Variants in NRIP1 observed in about 807,000 individuals in gnomAD.
The protein encoded by NRIP1 is nuclear receptor interacting protein 1, also known as nuclear receptor-interacting protein 1.
A neutral mutation model predicts 75.0 loss-of-function variants in NRIP1; 28 were observed. The ratio of observed to expected loss-of-function variants is 0.37; its 90% CI spans 0.28 to 0.51. The LOEUF (loss-of-function observed/expected upper bound fraction) is 0.51. Among genes scored for constraint, NRIP1 ranks in the 20% least tolerant of loss-of-function variants. The pLI, the probability that NRIP1 is intolerant of heterozygous loss-of-function variation, is 0.92. For missense variants in NRIP1, 1,435 were observed against 1,343.7 expected (o/e 1.07, Z -1.06); for synonymous variants, 526 against 487.6 (o/e 1.08, Z -1.04).
rs1216445507 is a variant in NRIP1, at chr21:14,965,190, T to A, written c.3003A>T (p.Ser1001=). ...CAGGAGTTTTTACTACACCTGGGTATGAAAATGTCCTGTTATCCATGCAAC... is the reference window on the plus strand; with the variant it reads ...CAGGAGTTTTTACTACACCTGGGTAAGAAAATGTCCTGTTATCCATGCAAC... ...PSSCMDNRTF[S]YPGVVKTPVS... is the part of the protein sequence containing the mutation. Residue 1001 remains serine (S), a synonymous_variant, in exon 4 of 4, where the codon TCA becomes TCT. Coordinates refer to ENST00000318948, the MANE Select transcript of NRIP1 (RefSeq NM_003489.4). 1 of 1,613,586 alleles carries A rather than the reference T, an allele frequency of 6.2e-7. No homozygotes were observed. Among genetic ancestry groups the A allele is most frequent in the African/African-American group, 1.3e-5 (1 of 74,914 alleles).
intron 2 of NRIP1, among the ~76,000 whole-genome samples, chr21:15,042,553 G>C (rs1342995634): frequency 6.6e-6 from 1 of 152,200 alleles, no homozygotes; most frequent in Admixed American, 6.5e-5. Flanking sequence ...GGGGCCTTTG[G>C]TGAGTGATTA....
intron 2 of NRIP1, among the ~76,000 whole-genome samples, chr21:15,021,926 A>C (rs2088386331): frequency 6.6e-6 from 1 of 152,158 alleles, no homozygotes; most frequent in Non-Finnish European, 1.5e-5. Context: ...AAAAAAGAAT[A>C]CTTTACATTG....
At chr21:14,975,646 G>T (rs375644558) in intron 3 of NRIP1, among the ~76,000 whole-genome samples, 37 of 133,448 alleles carry the variant, frequency 2.8e-4, no homozygotes, top group African/African-American at 1.1e-3. Flanking sequence ...AAAAAAAAAG[G>T]AAGGAAGGAA....
At chr21:14,973,848 T>C (rs2146971366) in intron 3 of NRIP1, among the ~76,000 whole-genome samples, 1 of 149,800 alleles carries the variant, frequency 6.7e-6, no homozygotes, top group Admixed American at 6.7e-5. Context: ...AGCTGATTTT[T>C]TTTTTTTTTT....
chr21:15,002,771 T>G (rs2087878023), intron 3 of NRIP1, among the ~76,000 whole-genome samples: 1 of 152,232 alleles, frequency 6.6e-6, no homozygotes, highest in African/African-American at 2.4e-5. Context: ...ATTTCAGGTA[T>G]TAACATAGGG....
intron 3 of NRIP1, among the ~76,000 whole-genome samples, chr21:14,986,593 G>A (rs1375234067): frequency 6.6e-6 from 1 of 152,172 alleles, no homozygotes; most frequent in Non-Finnish European, 1.5e-5. Context: ...ACTTTGCTGT[G>A]AATGGGTAAG....
intron 3 of NRIP1, among the ~76,000 whole-genome samples, chr21:15,007,913 C>A (rs933955322): frequency 6.6e-6 from 1 of 152,218 alleles, no homozygotes; most frequent in African/African-American, 2.4e-5. Context: ...TGCATGACAT[C>A]ATCACACAAT....
intron 2 of NRIP1, among the ~76,000 whole-genome samples, chr21:15,021,658 A>G (rs1473578025): frequency 6.6e-6 from 1 of 152,246 alleles, no homozygotes; most frequent in African/African-American, 2.4e-5. Context: ...TGTGCTGACA[A>G]AGGTCTCATA....
At position 14,965,139 on chromosome 21, in the gene NRIP1, C is replaced by T. The variant is rs2086693783; in HGVS notation, c.3054G>A (p.Leu1018=). The change falls in exon 4 of 4, where the codon TTG becomes TTA. Residue 1018 remains leucine, a synonymous_variant. Transcript: ENST00000318948. ...ATTCTGGTCTAGACCCTGCACAGCC[C>T]AAGTGCTCAGGGAAAGTAGGACTCA... ...TPVSPTFPEH[L]GCAGSRPESG... 3.7e-6 allele frequency: 6 copies of T among 1,612,984 alleles called. No homozygotes were observed. The highest frequency in any genetic ancestry group is 5.1e-6 in the Non-Finnish European group (6 of 1,179,898).
chr21:15,057,688 C>T (rs904768101), intron 1 of NRIP1, among the ~76,000 whole-genome samples: 3 of 152,134 alleles, frequency 2.0e-5, no homozygotes, highest in African/African-American at 7.2e-5. Flanking sequence ...CAAACAATGG[C>T]ATATTCTTTA....
chr21:14,974,834 G>A (rs1469586662), intron 3 of NRIP1, among the ~76,000 whole-genome samples: 1 of 152,140 alleles, frequency 6.6e-6, no homozygotes, highest in African/African-American at 2.4e-5. Flanking sequence ...CTGGCTGGGC[G>A]CAGTGGCTCA....
chr21:14,970,592 TCAACTAG>T (rs201721244), intron 3 of NRIP1, among the ~76,000 whole-genome samples: 14,803 of 152,164 alleles, frequency 0.097, 860 homozygotes, highest in East Asian at 0.2. Context: ...CAATTAATTC[TCAACTAG>T]TTAAGACATT....
chr21:15,027,504 G>A (rs2147239106), intron 2 of NRIP1, among the ~76,000 whole-genome samples: 1 of 152,150 alleles, frequency 6.6e-6, no homozygotes. Context: ...CAAAACCAAA[G>A]GAGTATATAA....
In NRIP1 at chr21:14,965,642, T is replaced by C. The variant is rs143359165; in HGVS notation, c.2551A>G (p.Asn851Asp). 1.9e-6 allele frequency: 3 copies of C among 1,613,132 alleles called. No homozygotes were observed. Among genetic ancestry groups the C allele is most frequent in the Non-Finnish European group, 1.7e-6 (2 of 1,179,894 alleles). Residue 851 changes from asparagine (N) to aspartate (D), a missense_variant, in exon 4 of 4, where the codon AAT becomes GAT. Coordinates refer to ENST00000318948, the MANE Select transcript of NRIP1 (RefSeq NM_003489.4). ...NNEMALLESK[N>D]LCMVPKKRKL... The stretch of plus-strand genomic sequence containing the variant: ...CTTTTCTTAGGGACCATGCAAAGAT[T>C]CTTTGATTCTAGAAGTGCCATTTCA...
At chr21:14,979,785 A>C (rs896731907) in intron 3 of NRIP1, among the ~76,000 whole-genome samples, 1 of 152,108 alleles carries the variant, frequency 6.6e-6, no homozygotes, top group East Asian at 1.9e-4. Context: ...AAGTGCTGGG[A>C]TTACAGGTGT....
chr21:15,047,841 G>A (rs1467788074), intron 1 of NRIP1, among the ~76,000 whole-genome samples: 4 of 152,196 alleles, frequency 2.6e-5, no homozygotes, highest in African/African-American at 9.7e-5. Flanking sequence ...GGCACAAGAG[G>A]CCTAGCTTTC....
At chr21:15,018,195 T>C (rs1396143479) in intron 2 of NRIP1, among the ~76,000 whole-genome samples, 4 of 152,210 alleles carry the variant, frequency 2.6e-5, no homozygotes, top group Admixed American at 1.3e-4. Context: ...CAAAGATCCA[T>C]TTATTTAATA....
intron 2 of NRIP1, among the ~76,000 whole-genome samples, chr21:15,015,647 T>C (rs538267412): frequency 6.6e-6 from 1 of 152,226 alleles, no homozygotes; most frequent in Admixed American, 6.5e-5. Context: ...GAATATTATG[T>C]AGTCATTAAA....
Position 14,965,996 on chromosome 21 carries a change from A to C in NRIP1, c.2197T>G (p.Leu733Val). 1.2e-6 allele frequency: 2 copies of C among 1,612,404 alleles called. No individual in the cohort carries two copies. The highest frequency in any genetic ancestry group is 1.7e-6 in the Non-Finnish European group (2 of 1,179,564). ...TGTTCCTGAGTACTTTCATCTCTTA[A>C]GGGAGTTTTCTCTTTTTTTTCACTC... ...GKSEKKEKTP[L>V]RDESTQEHSE... Residue 733 changes from leucine (L) to valine (V), a missense_variant, in exon 4 of 4, where the codon TTA becomes GTA. By Grantham distance (32) the Leu-to-Val change is conservative. Coordinates refer to ENST00000318948, the MANE Select transcript of NRIP1 (RefSeq NM_003489.4).
Sources: gnomAD v4.1 joint callset for allele counts (sites outside exome capture counted in the v4.1 genomes callset) on GRCh38, gnomAD v4.1.1 for gene constraint, MANE v1.5 for transcripts, NCBI Gene and HGNC (gene_info 2026-07-23, HGNC 2026-07-21) for gene names.